Variants in FAM184B observed in about 807,000 individuals in gnomAD.
FAM184B encodes the protein family with sequence similarity 184 member B, also known as protein FAM184B.
In FAM184B, 111 loss-of-function variants were observed where a neutral mutation model predicts 135.9. The ratio of observed to expected loss-of-function variants is 0.82; its 90% CI spans 0.70 to 0.96. FAM184B has a LOEUF of 0.96. Ranked by LOEUF, FAM184B falls within the 40% of genes least tolerant of loss-of-function variation. FAM184B has a pLI of 0.00. For synonymous variants in FAM184B, 552 were observed against 524.8 expected (o/e 1.05, Z -0.71); for missense variants, 1,375 against 1,323.9 (o/e 1.04, Z -0.60).
intron 1 of FAM184B, among the ~76,000 whole-genome samples, chr4:17,769,620 T>G (rs1371854798): frequency 6.6e-6 from 1 of 152,078 alleles, no homozygotes; most frequent in Non-Finnish European, 1.5e-5. Context: ...CTAGTGCACT[T>G]AAAACACTTG....
chr4:17,765,763 G>C (rs1401514380), intron 1 of FAM184B, among the ~76,000 whole-genome samples: 1 of 152,160 alleles, frequency 6.6e-6, no homozygotes, highest in African/African-American at 2.4e-5. Context: ...TAAAGCCACG[G>C]ACCCTCCTGA....
At chr4:17,732,542 G>A (rs898266449) in intron 1 of FAM184B, among the ~76,000 whole-genome samples, 2 of 152,196 alleles carry the variant, frequency 1.3e-5, no homozygotes, top group Non-Finnish European at 1.5e-5. Flanking sequence ...ACTACCATTA[G>A]AGAATACTAT....
intron 1 of FAM184B, among the ~76,000 whole-genome samples, chr4:17,765,105 C>G (rs1398082343): frequency 6.6e-6 from 1 of 152,168 alleles, no homozygotes; most frequent in East Asian, 1.9e-4. Flanking sequence ...GTCCTTGAAA[C>G]TACGAGTGTT....
chr4:17,776,223 A>T (rs1471292456), intron 1 of FAM184B, among the ~76,000 whole-genome samples: 1 of 152,184 alleles, frequency 6.6e-6, no homozygotes, highest in Non-Finnish European at 1.5e-5. Flanking sequence ...GTCAACTATA[A>T]TATCATAGGG....
chr4:17,673,932 A>G (rs1207705536), intron 7 of FAM184B, among the ~76,000 whole-genome samples: 1 of 152,152 alleles, frequency 6.6e-6, no homozygotes, highest in African/African-American at 2.4e-5. Context: ...AAAATTTAAA[A>G]CAACAACAAC....
rs1250039173 is a variant in FAM184B, at chr4:17,709,626, T to C, written c.160A>G (p.Thr54Ala). The change falls in exon 2 of 18, where the codon ACC becomes GCC. Residue 54 changes from threonine to alanine, a missense_variant. Thr to Ala is a moderately conservative substitution (Grantham distance 58). Transcript: ENST00000265018. ...QLTKVIYALNTRQDEAEASME... is the reference protein window; with the variant it reads ...QLTKVIYALNARQDEAEASME... ...CTGGCCTCAGCCTCATCCTGGCGGG[T>C]GTTCAGGGCATAAATCACCTGCAGG... The C allele has an allele frequency of 1.3e-6, 2 of 1,514,038 alleles. No individual in the cohort carries two copies. The highest frequency in any genetic ancestry group is 1.8e-6 in the Non-Finnish European group (2 of 1,132,550). The allele number at this position is 1,514,038 out of a possible 1,614,324, so 93.8% of individuals were successfully genotyped here.
At chr4:17,700,273 A>G (rs112514214) in intron 5 of FAM184B, among the ~76,000 whole-genome samples, 5 of 152,320 alleles carry the variant, frequency 3.3e-5, no homozygotes, top group African/African-American at 1.2e-4. Context: ...ATCCAAGTAT[A>G]CCACAAAAGC....
At chr4:17,660,761 TG>T (rs143620059) in intron 8 of FAM184B, among the ~76,000 whole-genome samples, 7,233 of 151,926 alleles carry the variant, frequency 0.048, 567 homozygotes, top group African/African-American at 0.17. Flanking sequence ...TAGATTGGGA[TG>T]TGAAGTATTT....
chr4:17,629,692 A>C lies in FAM184B; in HGVS notation c.*2840T>G, dbSNP rs1443809386. ...AATTGGATAATTTCTCTTCATCTTC[A>C]CTGTCACCTCTACGCCATCACTGTC... On this transcript the variant is annotated 3_prime_UTR_variant, in exon 18 of 18. Coordinates refer to ENST00000265018, the MANE Select transcript of FAM184B (RefSeq NM_015688.2). 1 of 152,046 alleles carries C rather than the reference A, an allele frequency of 6.6e-6. No individual in the cohort carries two copies. 9.4% of individuals were successfully genotyped at this position (152,046 alleles called of 1,614,324 possible).
chr4:17,673,904 A>T (rs2108949064), intron 7 of FAM184B, among the ~76,000 whole-genome samples: 1 of 152,238 alleles, frequency 6.6e-6, no homozygotes, highest in Admixed American at 6.5e-5. Context: ...GTTCACCAAT[A>T]ACCTATGGAA....
chr4:17,756,174 T>C (rs1029947584), intron 1 of FAM184B, among the ~76,000 whole-genome samples: 3 of 152,136 alleles, frequency 2.0e-5, no homozygotes, highest in African/African-American at 7.2e-5. Flanking sequence ...ACAGAGTTTC[T>C]TGGGGCAATG....
chr4:17,745,491 G>T (rs952854545), intron 1 of FAM184B, among the ~76,000 whole-genome samples: 7 of 152,300 alleles, frequency 4.6e-5, no homozygotes, highest in Admixed American at 2.0e-4. Flanking sequence ...TTGAATGTTC[G>T]ATCTTTGCTC....
intron 5 of FAM184B, among the ~76,000 whole-genome samples, chr4:17,702,210 C>T (rs892981225): frequency 3.9e-5 from 6 of 152,172 alleles, no homozygotes; most frequent in South Asian, 2.1e-4. Context: ...TCTGCCTAAA[C>T]GCCCAGTTTG....
intron 1 of FAM184B, among the ~76,000 whole-genome samples, chr4:17,773,065 T>C (rs1191809050): frequency 6.6e-6 from 1 of 152,188 alleles, no homozygotes; most frequent in African/African-American, 2.4e-5. Context: ...CCCACCTCCC[T>C]CTCTTCAACA....
chr4:17,747,845 C>T (rs1342930198), intron 1 of FAM184B, among the ~76,000 whole-genome samples: 5 of 131,204 alleles, frequency 3.8e-5, no homozygotes, highest in Non-Finnish European at 6.3e-5. Context: ...GGCGTGAACC[C>T]GGGAGGCGGA....
intron 1 of FAM184B, among the ~76,000 whole-genome samples, chr4:17,737,441 G>C (rs1177102042): frequency 6.6e-6 from 1 of 151,764 alleles, no homozygotes; most frequent in South Asian, 2.1e-4. Flanking sequence ...AGTTGTGCCA[G>C]ATAAACACAA....
intron 1 of FAM184B, among the ~76,000 whole-genome samples, chr4:17,748,028 C>T (rs1220309823): frequency 7.2e-6 from 1 of 138,656 alleles, no homozygotes; most frequent in African/African-American, 2.7e-5. Flanking sequence ...CGCTTAAACC[C>T]GGGAGGCAGA....
chr4:17,704,579 C>T (rs1395563817), intron 5 of FAM184B, among the ~76,000 whole-genome samples: 4 of 152,088 alleles, frequency 2.6e-5, no homozygotes, highest in Non-Finnish European at 5.9e-5. Context: ...CTGTGGGGGC[C>T]CAGGTTAAAT....
At chr4:17,750,952 C>G (rs1718276082) in intron 1 of FAM184B, among the ~76,000 whole-genome samples, 1 of 152,036 alleles carries the variant, frequency 6.6e-6, no homozygotes, top group African/African-American at 2.4e-5. Context: ...CAGTCCCGAC[C>G]CATAGGACCC....
Sources: gnomAD v4.1 joint callset for allele counts (sites outside exome capture counted in the v4.1 genomes callset) on GRCh38, gnomAD v4.1.1 for gene constraint, MANE v1.5 for transcripts, NCBI Gene and HGNC (gene_info 2026-07-23, HGNC 2026-07-21) for gene names.